NCKAP5L: variants seen among roughly 807,000 people sequenced by gnomAD.
NCKAP5L encodes nck-associated protein 5-like.
NCKAP5L carries 54 observed loss-of-function variants against 103.2 expected under a neutral mutation model. That is an observed-to-expected ratio of 0.52 (90% CI 0.42 to 0.66). The LOEUF (loss-of-function observed/expected upper bound fraction) is 0.66. NCKAP5L is among the 30% of genes least tolerant of loss of function. NCKAP5L has a pLI of 0.00. For synonymous variants in NCKAP5L, 762 were observed against 748.6 expected (o/e 1.02, Z -0.29); for missense variants, 1,733 against 1,750.6 (o/e 0.99, Z 0.18).
intron 1 of NCKAP5L, among the ~76,000 whole-genome samples, chr12:49,814,870 C>T (rs547900110): frequency 4.6e-5 from 7 of 152,330 alleles, no homozygotes; most frequent in African/African-American, 1.2e-4. Flanking sequence ...GACAATCCCT[C>T]GACCTTTCCT....
chr12:49,806,533 T>C (rs1946182647), intron 1 of NCKAP5L, among the ~76,000 whole-genome samples: 1 of 152,238 alleles, frequency 6.6e-6, no homozygotes, highest in Non-Finnish European at 1.5e-5. Context: ...GCACAGGCGC[T>C]TTCTTCCACA....
intron 2 of NCKAP5L, 92 bp from the exon 3 acceptor site, chr12:49,804,172 G>T: frequency 8.0e-7 from 1 of 1,242,772 alleles, no homozygotes; most frequent in Non-Finnish European, 1.1e-6. Flanking sequence ...TGACCTATAT[G>T]CATGACACTG....
intron 1 of NCKAP5L, among the ~76,000 whole-genome samples, chr12:49,807,624 T>C (rs1453116745): frequency 1.3e-5 from 2 of 152,230 alleles, no homozygotes; most frequent in East Asian, 3.8e-4. Flanking sequence ...CTTAGAAATA[T>C]ACAGGCCTGG....
At chr12:49,819,678 T>C (rs1946339777) in intron 1 of NCKAP5L, among the ~76,000 whole-genome samples, 1 of 152,134 alleles carries the variant, frequency 6.6e-6, no homozygotes, top group Admixed American at 6.5e-5. Context: ...CTGGGCAACA[T>C]AGCAAGACTC....
Position 49,795,489 on chromosome 12 carries a change from G to T in NCKAP5L, c.2371C>A (p.Pro791Thr). The T allele has an allele frequency of 1.3e-6, 2 of 1,536,190 alleles. No individual in the cohort carries two copies. Among genetic ancestry groups the T allele is most frequent in the Non-Finnish European group, 8.7e-7 (1 of 1,147,092 alleles). Residue 791 changes from proline to threonine, a missense_variant, in exon 8 of 13, where the codon CCC becomes ACC. Pro to Thr is a conservative substitution (Grantham distance 38). Transcript: ENST00000335999. ...GTTGGCACTTTGGCAGGGGTACGGGGTACCTGGGGGCACAGGGCCCCTGCC... is the reference window on the plus strand; with the variant it reads ...GTTGGCACTTTGGCAGGGGTACGGGTTACCTGGGGGCACAGGGCCCCTGCC... ...RLAGALCPQV[P>T]RTPAKVPTSA... is the part of the protein sequence containing the mutation.
chr12:49,812,300 T>G (rs1391770976), intron 1 of NCKAP5L, among the ~76,000 whole-genome samples: 1 of 152,204 alleles, frequency 6.6e-6, no homozygotes, highest in Non-Finnish European at 1.5e-5. Context: ...CTTTTACGAC[T>G]GGCTTCTTTC....
At chr12:49,817,956 T>C (rs1946316993) in intron 1 of NCKAP5L, among the ~76,000 whole-genome samples, 1 of 151,870 alleles carries the variant, frequency 6.6e-6, no homozygotes, top group South Asian at 2.1e-4. Flanking sequence ...TGGTGAAACC[T>C]CATCTCTACT....
chr12:49,824,307 C>T (rs1946392559), intron 1 of NCKAP5L, among the ~76,000 whole-genome samples: 1 of 152,186 alleles, frequency 6.6e-6, no homozygotes, highest in Non-Finnish European at 1.5e-5. Flanking sequence ...CCGAACAGCC[C>T]CACGCCACAG....
At chr12:49,814,414 G>T (rs539244883) in intron 1 of NCKAP5L, among the ~76,000 whole-genome samples, 4 of 150,694 alleles carry the variant, frequency 2.7e-5, no homozygotes, top group African/African-American at 9.7e-5. Flanking sequence ...AACCCGGGAG[G>T]TGGAGGCTGC....
intron 1 of NCKAP5L, among the ~76,000 whole-genome samples, chr12:49,806,619 G>T (rs1439164257): frequency 2.0e-5 from 3 of 152,378 alleles, no homozygotes; most frequent in Admixed American, 6.5e-5. Context: ...CTGGGGCAGA[G>T]GATATTGCCC....
At chr12:49,798,241 C>T in intron 7 of NCKAP5L, 109 bp downstream of exon 7, 1 of 1,047,084 alleles carries the variant, frequency 9.6e-7, no homozygotes, top group Non-Finnish European at 1.4e-6. Flanking sequence ...CATTCGGCTG[C>T]TCACACTTCC....
At chr12:49,793,459 A>G (rs761030341) in intron 9 of NCKAP5L, 26 bp from the exon 10 acceptor site, 1 of 1,604,422 alleles carries the variant, frequency 6.2e-7, no homozygotes, top group Non-Finnish European at 8.5e-7. Context: ...GAGACCTCAT[A>G]GTCCACTCCT....
At chr12:49,822,597 A>C (rs1334709351) in intron 1 of NCKAP5L, among the ~76,000 whole-genome samples, 2 of 145,124 alleles carry the variant, frequency 1.4e-5, no homozygotes, top group Non-Finnish European at 3.0e-5. Context: ...CCTAGGCTGG[A>C]GTGCAGTGGC....
At chr12:49,825,478 C>G (rs1361291993) in intron 1 of NCKAP5L, among the ~76,000 whole-genome samples, 1 of 152,188 alleles carries the variant, frequency 6.6e-6, no homozygotes, top group East Asian at 1.9e-4. Context: ...CAGGCAAGGG[C>G]CCTTTCTCTT....
chr12:49,794,401 G>C (rs1945990193), intron 8 of NCKAP5L, among the ~76,000 whole-genome samples: 1 of 152,186 alleles, frequency 6.6e-6, no homozygotes, highest in African/African-American at 2.4e-5. Flanking sequence ...GGCAAGATGG[G>C]AAGAGGACTC....
intron 1 of NCKAP5L, among the ~76,000 whole-genome samples, chr12:49,812,863 C>G (rs1946256060): frequency 6.6e-6 from 1 of 152,132 alleles, no homozygotes; most frequent in South Asian, 2.1e-4. Context: ...TTGCAAAAAC[C>G]AAAATCTGAG....
intron 1 of NCKAP5L, among the ~76,000 whole-genome samples, chr12:49,813,954 T>A (rs1033565079): frequency 1.3e-5 from 2 of 152,150 alleles, no homozygotes; most frequent in Admixed American, 1.3e-4. Context: ...GCCTCCCAGG[T>A]AACTAGGACT....
chr12:49,820,962 C>T (rs975400983), intron 1 of NCKAP5L, among the ~76,000 whole-genome samples: 6 of 152,188 alleles, frequency 3.9e-5, no homozygotes, highest in African/African-American at 1.2e-4. Flanking sequence ...ACTCTGACTC[C>T]TCTCCCCTGC....
intron 1 of NCKAP5L, among the ~76,000 whole-genome samples, chr12:49,816,494 T>TAAAAAAA (rs1468340914): frequency 3.9e-5 from 1 of 25,908 alleles, no homozygotes; most frequent in African/African-American, 2.2e-4. Context: ...CTCAACCCTC[T>TAAAAAAA]CAAAAAAAAA....
Sources: gnomAD v4.1 joint callset for allele counts (sites outside exome capture counted in the v4.1 genomes callset) on GRCh38, gnomAD v4.1.1 for gene constraint, MANE v1.5 for transcripts, NCBI Gene and HGNC (gene_info 2026-07-23, HGNC 2026-07-21) for gene names.